TMTC1: variants seen among roughly 807,000 people sequenced by gnomAD.
TMTC1 encodes protein O-mannosyl-transferase TMTC1.
Under a neutral mutation model 104.8 loss-of-function variants are expected in TMTC1, and 73 were observed. That is an observed-to-expected ratio of 0.70 (90% CI 0.58 to 0.85). TMTC1 has a LOEUF of 0.85. Among genes scored for constraint, TMTC1 ranks in the 40% least tolerant of loss-of-function variants. The probability of loss-of-function intolerance (pLI) is 0.00; values close to 1 mark genes in which losing one functional copy is unlikely to be tolerated. For missense variants in TMTC1, 1,035 were observed against 1,096.1 expected, an observed-to-expected ratio of 0.94 and a Z score of 0.79; for synonymous variants, 434 against 428.7, an observed-to-expected ratio of 1.01 and a Z score of -0.15.
intron 15 of TMTC1, among the ~76,000 whole-genome samples, chr12:29,515,564 C>T (rs969896965): frequency 6.6e-6 from 1 of 152,120 alleles, no homozygotes; most frequent in Admixed American, 6.5e-5. Context: ...TTCATCCAGC[C>T]CTCACCTCCA....
At chr12:29,771,784 G>T (rs190785367) in intron 1 of TMTC1, among the ~76,000 whole-genome samples, 1 of 152,236 alleles carries the variant, frequency 6.6e-6, no homozygotes, top group African/African-American at 2.4e-5. Flanking sequence ...GATGCTAAGG[G>T]GGGAGGGAAG....
At chr12:29,636,161 G>A (rs1938537890) in intron 5 of TMTC1, among the ~76,000 whole-genome samples, 1 of 152,160 alleles carries the variant, frequency 6.6e-6, no homozygotes, top group South Asian at 2.1e-4. Flanking sequence ...TTGACGAAGA[G>A]GAAGGGAAAG....
At chr12:29,779,513 G>A (rs1943785562) in intron 1 of TMTC1, among the ~76,000 whole-genome samples, 1 of 152,028 alleles carries the variant, frequency 6.6e-6, no homozygotes, top group African/African-American at 2.4e-5. Context: ...TACATAATTA[G>A]TATCTTTACT....
chr12:29,702,800 A>T (rs551661627), intron 5 of TMTC1, among the ~76,000 whole-genome samples: 2 of 137,812 alleles, frequency 1.5e-5, no homozygotes, highest in Admixed American at 7.0e-5. Context: ...AGAAAAAAAT[A>T]GTCCATCATA....
chr12:29,529,494 A>G (rs1363462116), intron 11 of TMTC1, among the ~76,000 whole-genome samples: 6 of 152,248 alleles, frequency 3.9e-5, no homozygotes. Context: ...TTATTAGTAA[A>G]TAGTAATACA....
chr12:29,732,963 T>A (rs1171771892), intron 5 of TMTC1, among the ~76,000 whole-genome samples: 1 of 152,170 alleles, frequency 6.6e-6, no homozygotes, highest in African/African-American at 2.4e-5. Flanking sequence ...TACTCAGCTG[T>A]AGGTTTCCAA....
At chr12:29,515,442 C>A (rs1943956563) in intron 15 of TMTC1, among the ~76,000 whole-genome samples, 1 of 152,214 alleles carries the variant, frequency 6.6e-6, no homozygotes, top group South Asian at 2.1e-4. Flanking sequence ...TGCTCCTGCT[C>A]CCTCACTCCC....
intron 5 of TMTC1, among the ~76,000 whole-genome samples, chr12:29,677,999 G>T (rs1940790282): frequency 2.0e-5 from 3 of 152,148 alleles, no homozygotes; most frequent in Admixed American, 2.0e-4. Flanking sequence ...TACTATCCAT[G>T]GTTTCCGGCA....
intron 7 of TMTC1, among the ~76,000 whole-genome samples, chr12:29,591,095 A>G (rs1946269317): frequency 6.6e-6 from 1 of 152,230 alleles, no homozygotes; most frequent in Admixed American, 6.5e-5. Context: ...GTTTAAAGAA[A>G]TGTTAAGCCA....
chr12:29,666,221 CTTTTTTCTTTTTTTT>C (rs1290013351), intron 5 of TMTC1: 5 of 395,974 alleles, frequency 1.3e-5, no homozygotes, highest in Admixed American at 3.1e-5. Context: ...TTCTTTTTTT[CTTTTTTCTTTTTTTT>C]TTTTTTTTGG....
chr12:29,534,092 T>A (rs1208873503), intron 11 of TMTC1: 1 of 152,222 alleles, frequency 6.6e-6, no homozygotes, highest in Non-Finnish European at 1.5e-5. Flanking sequence ...TCTGGGTGTT[T>A]GAAATGCCAG....
chr12:29,582,957 T>C (rs41322250), intron 8 of TMTC1, among the ~76,000 whole-genome samples: 3,210 of 152,314 alleles, frequency 0.021, 56 homozygotes, highest in African/African-American at 0.052. Flanking sequence ...TCAAAGAATG[T>C]TCAAAATTAA....
chr12:29,621,576 T>A (rs1197395397), intron 6 of TMTC1, among the ~76,000 whole-genome samples: 8 of 152,204 alleles, frequency 5.3e-5, no homozygotes, highest in Non-Finnish European at 1.0e-4. Context: ...CTTCTCCAAG[T>A]CCTTTTTGGA....
chr12:29,724,385 A>G (rs938286095), intron 5 of TMTC1, among the ~76,000 whole-genome samples: 2 of 152,200 alleles, frequency 1.3e-5, no homozygotes, highest in Non-Finnish European at 2.9e-5. Context: ...ATGACCTGAA[A>G]AATGTCATTT....
At chr12:29,735,906 G>A (rs2136928331) in intron 5 of TMTC1, among the ~76,000 whole-genome samples, 1 of 152,322 alleles carries the variant, frequency 6.6e-6, no homozygotes, top group East Asian at 1.9e-4. Context: ...TTTGGGGCTT[G>A]GGAAAAGTAG....
chr12:29,737,423 A>T (rs1196326347), intron 5 of TMTC1, among the ~76,000 whole-genome samples: 4 of 152,192 alleles, frequency 2.6e-5, no homozygotes, highest in Admixed American at 6.5e-5. Context: ...TAGGCTGAGG[A>T]GAATCACTTG....
chr12:29,783,434 G>T lies in TMTC1; in HGVS notation c.302+16C>A. 2 of 1,290,954 alleles carry T rather than the reference G, an allele frequency of 1.5e-6. No homozygotes were observed. Among genetic ancestry groups the T allele is most frequent in the Non-Finnish European group, 9.8e-7 (1 of 1,016,236 alleles). 80.0% of individuals were successfully genotyped at this position (1,290,954 alleles called of 1,614,324 possible). On this transcript the variant is annotated intron_variant, in intron 1 of 17. Transcript: ENST00000539277. This position sits in a 1 kb window ranked among gnomAD's most constrained non-coding sequence, Gnocchi z 4.7. Reference sequence around the variant, plus strand: ...TAGAGGAGGCAGCGGCGGCTAGCGCGAGGTGAGGGACTCACTTGAAGGTGA... The same window carrying T: ...TAGAGGAGGCAGCGGCGGCTAGCGCTAGGTGAGGGACTCACTTGAAGGTGA...
At chr12:29,588,842 G>A (rs1394383926) in intron 7 of TMTC1, among the ~76,000 whole-genome samples, 1 of 151,860 alleles carries the variant, frequency 6.6e-6, no homozygotes, top group Non-Finnish European at 1.5e-5. Flanking sequence ...TTTAACCCAT[G>A]AAAACACTAA....
intron 11 of TMTC1, among the ~76,000 whole-genome samples, chr12:29,528,947 A>G (rs1944423939): frequency 6.6e-6 from 1 of 152,100 alleles, no homozygotes; most frequent in Non-Finnish European, 1.5e-5. Context: ...GCATTAGTTT[A>G]TATTTTTGTA....
Sources: gnomAD v4.1 joint callset for allele counts (sites outside exome capture counted in the v4.1 genomes callset) on GRCh38, gnomAD v4.1.1 for gene constraint, Gnocchi (gnomAD v3.1) non-coding constraint, MANE v1.5 for transcripts, NCBI Gene and HGNC (gene_info 2026-07-23, HGNC 2026-07-21) for gene names.